PLCG2: variants seen among roughly 807,000 people sequenced by gnomAD.
PLCG2 encodes 1-phosphatidylinositol 4,5-bisphosphate phosphodiesterase gamma-2.
Under a neutral mutation model 175.6 loss-of-function variants are expected in PLCG2, and 69 were observed. That is an observed-to-expected ratio of 0.39 (90% CI 0.32 to 0.48). PLCG2 has a LOEUF of 0.48. Ranked by LOEUF, PLCG2 falls within the 20% of genes least tolerant of loss-of-function variation. The pLI, the probability that PLCG2 is intolerant of heterozygous loss-of-function variation, is 0.91. For missense variants in PLCG2, 1,798 were observed against 1,650.9 expected (o/e 1.09, Z -1.54); for synonymous variants, 827 against 624.0 (o/e 1.33, Z -4.85).
intron 31 of PLCG2, among the ~76,000 whole-genome samples, chr16:81,948,148 A>AG (rs1911223098): frequency 1.3e-5 from 2 of 152,230 alleles, no homozygotes; most frequent in African/African-American, 2.4e-5. Context: ...AAGGCTAGAT[A>AG]TTTAGCAATG....
chr16:81,830,083 G>A (rs769709929), intron 2 of PLCG2, among the ~76,000 whole-genome samples: 7 of 152,036 alleles, frequency 4.6e-5, no homozygotes, highest in Non-Finnish European at 7.4e-5. Context: ...ACTTTGGGAG[G>A]CTGAGGCAGG....
intron 2 of PLCG2, 90 bp downstream of exon 2, chr16:81,786,272 A>G: frequency 9.4e-7 from 1 of 1,058,716 alleles, no homozygotes; most frequent in Non-Finnish European, 1.4e-6. Context: ...CATTACTGTG[A>G]TTGTTGTTGG....
At chr16:81,900,063 A>G (rs976753165) in intron 13 of PLCG2, among the ~76,000 whole-genome samples, 2 of 151,678 alleles carry the variant, frequency 1.3e-5, no homozygotes, top group Non-Finnish European at 2.9e-5. Context: ...GACACCTTAT[A>G]GAAATATACA....
At chr16:81,744,920 C>A (rs905140716) in intron 1 of PLCG2, among the ~76,000 whole-genome samples, 2 of 152,134 alleles carry the variant, frequency 1.3e-5, no homozygotes, top group African/African-American at 4.8e-5. Context: ...GGCCAACAGG[C>A]TGGATGCTGC....
In PLCG2 at chr16:81,934,413, A is replaced by C. The variant is rs777484937; in HGVS notation, c.2740-16A>C. 2 of 1,545,226 alleles carry C rather than the reference A, an allele frequency of 1.3e-6. No individual in the cohort carries two copies. Among genetic ancestry groups the C allele is most frequent in the Non-Finnish European group, 1.8e-6 (2 of 1,117,986 alleles). On this transcript the variant is annotated splice_polypyrimidine_tract_variant and intron_variant, in intron 25 of 32. Coordinates refer to ENST00000564138, the MANE Select transcript of PLCG2 (RefSeq NM_002661.5). ...TTTCTCGGGGGCGGGCACTAAAGACAGTGAACTCCAAACAGGAGAACAACA... is the reference window on the plus strand; with the variant it reads ...TTTCTCGGGGGCGGGCACTAAAGACCGTGAACTCCAAACAGGAGAACAACA...
chr16:81,916,200 G>C (rs911021038), intron 19 of PLCG2, among the ~76,000 whole-genome samples: 2 of 151,312 alleles, frequency 1.3e-5, no homozygotes, highest in Non-Finnish European at 2.9e-5. Context: ...TGAAGCAGAA[G>C]TCTTCTAGCA....
intron 26 of PLCG2, chr16:81,935,897 G>A: frequency 4.1e-6 from 4 of 985,180 alleles, no homozygotes; most frequent in Non-Finnish European, 4.8e-6. Flanking sequence ...CTTGTTCAAG[G>A]ATGGTGATAG....
intron 6 of PLCG2, among the ~76,000 whole-genome samples, chr16:81,870,043 C>T (rs147646042): frequency 2.2e-4 from 33 of 152,182 alleles, no homozygotes; most frequent in Non-Finnish European, 4.4e-4. Context: ...TATTAATGAG[C>T]TCCTGGAAAA....
chr16:81,844,361 G>T (rs1404338095), intron 2 of PLCG2, among the ~76,000 whole-genome samples: 1 of 151,592 alleles, frequency 6.6e-6, no homozygotes, highest in Non-Finnish European at 1.5e-5. Flanking sequence ...TGTTGCCCAG[G>T]CCGGAGTGCA....
chr16:81,831,823 G>T (rs908694750), intron 2 of PLCG2, among the ~76,000 whole-genome samples: 1 of 152,208 alleles, frequency 6.6e-6, no homozygotes, highest in African/African-American at 2.4e-5. Flanking sequence ...AACAGGAACT[G>T]CCGGGAGGCC....
chr16:81,772,170 C>T (rs1439575172), intron 2 of PLCG2, among the ~76,000 whole-genome samples: 1 of 152,144 alleles, frequency 6.6e-6, no homozygotes, highest in Non-Finnish European at 1.5e-5. Flanking sequence ...AATCAGAGGA[C>T]TGGTGTTCTT....
chr16:81,783,250 G>A, intron 1 of PLCG2: 2 of 333,128 alleles, frequency 6.0e-6, no homozygotes, highest in South Asian at 2.6e-5. Context: ...ATAGTGAAGA[G>A]CTCTGTGGTT....
At chr16:81,927,735 T>A (rs4888189) in intron 23 of PLCG2, among the ~76,000 whole-genome samples, 5 of 152,114 alleles carry the variant, frequency 3.3e-5, no homozygotes, top group Non-Finnish European at 5.9e-5. Context: ...TTCTAAGGGA[T>A]GTAGGGCAAT....
intron 2 of PLCG2, among the ~76,000 whole-genome samples, chr16:81,823,724 C>T (rs554491482): frequency 4.7e-5 from 7 of 148,310 alleles, no homozygotes; most frequent in African/African-American, 1.7e-4. Context: ...GAGACAGGGT[C>T]TCTCTATGTT....
rs72824938 is a variant in PLCG2 at position 81,942,228 on chromosome 16, G to C, written c.3481+2169G>C. Among the ~76,000 whole-genome samples the C allele has an allele frequency of 9.3e-3, 1,420 of 152,324 alleles. 11 individuals carry two copies. The highest frequency in any genetic ancestry group is 0.031 in the Middle Eastern group (9 of 294). Reference sequence around the variant, plus strand: ...GCCTCATAACCCCTCCCAGTGCCTTGCAGAGATGTCAGAGTTGATGATAAA... The same window carrying C: ...GCCTCATAACCCCTCCCAGTGCCTTCCAGAGATGTCAGAGTTGATGATAAA... On this transcript the variant is annotated intron_variant, in intron 30 of 32. Transcript: ENST00000564138.
chr16:81,877,778 CGCTCCTTGGCTTGT>C (rs1567512107), intron 7 of PLCG2, among the ~76,000 whole-genome samples: 18 of 148,266 alleles, frequency 1.2e-4, no homozygotes, highest in Non-Finnish European at 2.3e-4. Context: ...GTCATTGCAT[CGCTCCTTGGCTTGT>C]AGATGTCATT....
At chr16:81,848,870 G>A (rs944898277) in intron 2 of PLCG2, among the ~76,000 whole-genome samples, 7 of 152,324 alleles carry the variant, frequency 4.6e-5, no homozygotes, top group African/African-American at 1.7e-4. Context: ...CTGTGGAAGA[G>A]AGGTGCTTGG....
chr16:81,762,673 C>T (rs1910066031), intron 2 of PLCG2, among the ~76,000 whole-genome samples: 1 of 152,078 alleles, frequency 6.6e-6, no homozygotes, highest in South Asian at 2.1e-4. Flanking sequence ...AGTGAAAAGG[C>T]AGGCCAAGGG....
At chr16:81,920,268 C>G (rs1014991243) in intron 20 of PLCG2, among the ~76,000 whole-genome samples, 2 of 152,128 alleles carry the variant, frequency 1.3e-5, no homozygotes, top group Non-Finnish European at 2.9e-5. Flanking sequence ...TACTTTGTCT[C>G]CATTCCTACC....
Sources: gnomAD v4.1 joint callset for allele counts (sites outside exome capture counted in the v4.1 genomes callset) on GRCh38, gnomAD v4.1.1 for gene constraint, MANE v1.5 for transcripts, NCBI Gene and HGNC (gene_info 2026-07-23, HGNC 2026-07-21) for gene names.